The following LRP1B variants were observed in gnomAD, a reference collection of about 807,000 sequenced individuals.
LRP1B encodes low-density lipoprotein receptor-related protein 1B.
In LRP1B, 217 loss-of-function variants were observed where a neutral mutation model predicts 556.6. The observed-to-expected ratio is 0.39, with a 90% confidence interval of 0.35 to 0.44. LRP1B has a LOEUF of 0.44. Ranked by LOEUF, LRP1B falls within the 20% of genes least tolerant of loss-of-function variation. The pLI is 1.00. For missense variants in LRP1B, 5,053 were observed against 5,620.8 expected (o/e 0.90, Z 3.23); for synonymous variants, 2,047 against 1,865.8 (o/e 1.10, Z -2.50).
intron 3 of LRP1B, among the ~76,000 whole-genome samples, chr2:141,410,672 C>T (rs190261334): frequency 1.3e-5 from 2 of 152,058 alleles, no homozygotes; most frequent in Admixed American, 6.6e-5. Flanking sequence ...TGAGTTCTTA[C>T]TTTAAAAATT....
intron 3 of LRP1B, chr2:141,286,916 A>C (rs1270426805): frequency 3.0e-5 from 7 of 233,974 alleles, no homozygotes; most frequent in Non-Finnish European, 6.4e-5. Flanking sequence ...ATATGTGGCT[A>C]CTGAGGACTT....
At position 140,598,761 on chromosome 2, in the gene LRP1B, T is replaced by C. The variant is rs2105189290; in HGVS notation, c.7064A>G (p.Gln2355Arg). The change falls in exon 43 of 91, where the codon CAA (glutamine) becomes CGA (arginine). Residue 2355 changes from glutamine to arginine, a missense_variant. By Grantham distance (43) the Gln-to-Arg change is conservative (BLOSUM62 1). Around this residue, in one of 5 missense-constraint regions of LRP1B, gnomAD observed 3,619 missense variants for 3,931.9 expected, o/e 0.92. Coordinates refer to ENST00000389484, the MANE Select transcript of LRP1B (RefSeq NM_018557.3). ...GAGTATGTCTGTACTGACCACCACT[T>C]GAGCATTTTTCCCAGTCAGAGTAGA... The part of the protein sequence containing the change: ...MRSTLTGKNA[Q>R]VVVSTDILTP... The C allele has an allele frequency of 6.2e-7, 1 of 1,613,060 alleles. No individual in the cohort carries two copies. The highest frequency in any genetic ancestry group is 8.5e-7 in the Non-Finnish European group (1 of 1,179,132).
chr2:141,731,725 G>T (rs922039907), intron 2 of LRP1B, among the ~76,000 whole-genome samples: 5 of 152,106 alleles, frequency 3.3e-5, no homozygotes, highest in African/African-American at 7.2e-5. Flanking sequence ...TGACCTTGGA[G>T]AAAATTACTT....
At chr2:141,235,871 T>C (rs1683632287) in intron 5 of LRP1B, among the ~76,000 whole-genome samples, 1 of 152,122 alleles carries the variant, frequency 6.6e-6, no homozygotes, top group South Asian at 2.1e-4. Flanking sequence ...TTCAAATTTA[T>C]AGAGTTTTGT....
At chr2:141,987,759 A>G (rs1702237985) in intron 1 of LRP1B, among the ~76,000 whole-genome samples, 1 of 151,878 alleles carries the variant, frequency 6.6e-6, no homozygotes, top group African/African-American at 2.4e-5. Flanking sequence ...TTGTTTCTAC[A>G]TGACATTTGA....
chr2:140,650,009 A>G (rs1264317049), intron 41 of LRP1B, among the ~76,000 whole-genome samples: 1 of 152,144 alleles, frequency 6.6e-6, no homozygotes, highest in Non-Finnish European at 1.5e-5. Flanking sequence ...CAAAGTTTAA[A>G]TTTTCTCTAT....
chr2:140,851,858 T>A (rs2105122577), intron 27 of LRP1B, 75 bp from the exon 28 acceptor site: 1 of 1,376,560 alleles, frequency 7.3e-7, no homozygotes, highest in Non-Finnish European at 9.8e-7. Flanking sequence ...TGACAGGGGT[T>A]ATTCACCTAA....
chr2:141,368,767 A>G (rs1689131032), intron 3 of LRP1B, among the ~76,000 whole-genome samples: 1 of 152,242 alleles, frequency 6.6e-6, no homozygotes, highest in Non-Finnish European at 1.5e-5. Flanking sequence ...ATCAATTTAG[A>G]AAGCTATTAT....
intron 20 of LRP1B, among the ~76,000 whole-genome samples, chr2:140,930,307 A>T (rs1695013242): frequency 6.6e-6 from 1 of 152,084 alleles, no homozygotes; most frequent in Admixed American, 6.6e-5. Context: ...CCAAGCATAC[A>T]ATTTGGGGAC....
At chr2:140,624,986 G>T (rs1683603977) in intron 41 of LRP1B, among the ~76,000 whole-genome samples, 1 of 152,116 alleles carries the variant, frequency 6.6e-6, no homozygotes, top group African/African-American at 2.4e-5. Context: ...AGAACAAGGA[G>T]GCCAGGAGCC....
intron 6 of LRP1B, among the ~76,000 whole-genome samples, chr2:141,202,078 G>A (rs1682048967): frequency 6.6e-6 from 1 of 152,154 alleles, no homozygotes; most frequent in South Asian, 2.1e-4. Context: ...ATTAAGCCCA[G>A]CATCCACTAG....
rs1449347651 is a variant in LRP1B at position 140,700,481 on chromosome 2, G to T, written c.6568C>A (p.Leu2190Met). The T allele has an allele frequency of 9.9e-6, 16 of 1,613,328 alleles. No homozygotes were observed. The highest frequency in any genetic ancestry group is 1.4e-5 in the Non-Finnish European group (16 of 1,179,660). The part of the protein sequence containing the change: ...VTCLRHEGYL[L>M]YSGRTILKSI... Reference sequence around the variant, plus strand: ...TTTAATATTGTTCTTCCTGAATACAGTAAATAGCCTTCATGCCTCAGGCAA... The same window carrying T: ...TTTAATATTGTTCTTCCTGAATACATTAAATAGCCTTCATGCCTCAGGCAA... Residue 2190 changes from leucine (L) to methionine (M), a missense_variant, in exon 41 of 91, where the codon CTG (leucine) becomes ATG (methionine). By Grantham distance (15) the Leu-to-Met change is conservative. Around this residue, in one of 5 missense-constraint regions of LRP1B, gnomAD observed 3,619 missense variants for 3,931.9 expected, o/e 0.92. Transcript: ENST00000389484.
Position 140,614,056 on chromosome 2 carries a change from A to G in LRP1B, c.6800-12417T>C, listed in dbSNP as rs181648339. Among the ~76,000 whole-genome samples the G allele has an allele frequency of 5.0e-3, 755 of 152,144 alleles. 8 individuals are homozygous for G. Among genetic ancestry groups the G allele is most frequent in the Middle Eastern group, 0.031 (9 of 294 alleles). Reference sequence around the variant, plus strand: ...CTTCGATTATTGAAAGCTAGTAGACACAGCTGGCCTAATTGCCTTTACCCT... The same window carrying G: ...CTTCGATTATTGAAAGCTAGTAGACGCAGCTGGCCTAATTGCCTTTACCCT... On this transcript the variant is annotated intron_variant, in intron 41 of 90. Coordinates refer to ENST00000389484, the MANE Select transcript of LRP1B (RefSeq NM_018557.3).
intron 43 of LRP1B, among the ~76,000 whole-genome samples, chr2:140,556,712 T>C (rs1200498757): frequency 1.3e-5 from 2 of 149,844 alleles, no homozygotes; most frequent in South Asian, 2.2e-4. Context: ...ATTCTCATGA[T>C]TGCCAACCAA....
intron 35 of LRP1B, among the ~76,000 whole-genome samples, chr2:140,724,501 G>A (rs1174850993): frequency 6.6e-6 from 1 of 151,934 alleles, no homozygotes; most frequent in African/African-American, 2.4e-5. Context: ...TAAAAATAAA[G>A]ACAACAGTGC....
intron 41 of LRP1B, among the ~76,000 whole-genome samples, chr2:140,680,725 A>G (rs956933760): frequency 1.3e-5 from 2 of 152,186 alleles, no homozygotes; most frequent in Admixed American, 6.5e-5. Context: ...GGCTTACCAC[A>G]TATCTCTAGG....
chr2:140,626,414 A>C (rs566946463), intron 41 of LRP1B, among the ~76,000 whole-genome samples: 2 of 152,286 alleles, frequency 1.3e-5, no homozygotes, highest in East Asian at 3.9e-4. Context: ...TATTATAATA[A>C]ATGTACCACT....
At chr2:141,098,904 G>A (rs1239830305) in intron 7 of LRP1B, among the ~76,000 whole-genome samples, 4 of 152,070 alleles carry the variant, frequency 2.6e-5, no homozygotes, top group East Asian at 1.9e-4. Context: ...TAATCCGCCC[G>A]CCTCAGCCTC....
At position 140,776,252 on chromosome 2, in the gene LRP1B, A is replaced by T. The variant is rs749041585; in HGVS notation, c.5360-14T>A. ...ACAGTTTCTTATCTAGAAAAAGGAAAGATATTTTTTAAAGGAAAGTATAAT... is the reference window on the plus strand; with the variant it reads ...ACAGTTTCTTATCTAGAAAAAGGAATGATATTTTTTAAAGGAAAGTATAAT... On this transcript the variant is annotated splice_polypyrimidine_tract_variant and intron_variant, in intron 32 of 90. Transcript: ENST00000389484. 6.4e-7 allele frequency: 1 copy of T among 1,557,652 alleles called. No individual in the cohort carries two copies. The highest frequency in any genetic ancestry group is 8.7e-7 in the Non-Finnish European group (1 of 1,152,258).
Sources: gnomAD v4.1 joint callset for allele counts (sites outside exome capture counted in the v4.1 genomes callset) on GRCh38, gnomAD v4.1.1 for gene constraint, gnomAD v4.1.1 regional missense constraint, MANE v1.5 for transcripts, NCBI Gene and HGNC (gene_info 2026-07-23, HGNC 2026-07-21) for gene names.